Variants in AP1B1 observed in about 807,000 individuals in gnomAD.
AP1B1 encodes adaptor related protein complex 1 subunit beta 1.
AP1B1 carries 36 observed loss-of-function variants against 104.3 expected under a neutral mutation model. That is an observed-to-expected ratio of 0.35 (90% CI 0.26 to 0.46). The LOEUF (loss-of-function observed/expected upper bound fraction) is 0.46. AP1B1 is among the 20% of genes least tolerant of loss of function. The pLI is 1.00. For missense variants in AP1B1, 901 were observed against 1,247.9 expected (o/e 0.72, Z 4.19); for synonymous variants, 504 against 517.5 (o/e 0.97, Z 0.35).
chr22:29,328,823 A>G lies in AP1B1; in HGVS notation c.2848T>C (p.Ter950ArgextTer61). Residue 950 changes from the stop codon to arginine (R), a stop_lost, in exon 23 of 23, where the codon TGA becomes CGA. Coordinates refer to ENST00000357586, the MANE Select transcript of AP1B1 (RefSeq NM_001127.4). This position sits in a 1 kb window ranked among gnomAD's most constrained non-coding sequence, Gnocchi z 4.1. ...TGGGGTGGGCGCTGGCCGGGGTCTC[A>G]GTTCTTGAGGATGGTCTCGTAGGCC... is the stretch of plus-strand genomic sequence containing the variant. ...YQAYETILKN[*>R] 6.2e-7 allele frequency: 1 copy of G among 1,605,426 alleles called. No individual in the cohort carries two copies.
chr22:29,330,768 T>G (rs2061545936), intron 19 of AP1B1, 59 bp from the exon 20 acceptor site: 10 of 1,452,516 alleles, frequency 6.9e-6, no homozygotes, highest in East Asian at 4.8e-5. Flanking sequence ...GTGGGCCCTC[T>G]GTAGCTCAGC....
chr22:29,362,723 G>A lies in AP1B1; in HGVS notation c.143+278C>T, dbSNP rs1474840235. On this transcript the variant is annotated intron_variant, in intron 3 of 22. Coordinates refer to ENST00000357586, the MANE Select transcript of AP1B1 (RefSeq NM_001127.4). ...CCCCAGCCAGTACTGATCCTCTGGAGTTTCTGAGAGGGTTCATGCCACACC... is the reference window on the plus strand; with the variant it reads ...CCCCAGCCAGTACTGATCCTCTGGAATTTCTGAGAGGGTTCATGCCACACC... Among the ~76,000 whole-genome samples the A allele has an allele frequency of 2.0e-5, 3 of 152,218 alleles. No individual in the cohort carries two copies. In the East Asian group the frequency reaches 5.8e-4, roughly 29 times the overall value.
intron 6 of AP1B1, among the ~76,000 whole-genome samples, chr22:29,356,159 T>C (rs1042571783): frequency 2.8e-4 from 43 of 152,254 alleles, no homozygotes; most frequent in African/African-American, 8.7e-4. Flanking sequence ...TACCCACCTA[T>C]TGAACTCAAA....
intron 2 of AP1B1, among the ~76,000 whole-genome samples, chr22:29,366,718 C>T (rs895898177): frequency 1.3e-5 from 2 of 151,860 alleles, no homozygotes; most frequent in African/African-American, 4.8e-5. Flanking sequence ...AGAATAACTT[C>T]AACTCGAGAG....
intron 19 of AP1B1, among the ~76,000 whole-genome samples, chr22:29,330,930 C>T (rs1315131057): frequency 6.6e-6 from 1 of 152,168 alleles, no homozygotes; most frequent in Non-Finnish European, 1.5e-5. Flanking sequence ...TGCCTCCAGG[C>T]CTTGGATCTC....
In AP1B1 at chr22:29,331,889, G is replaced by A; in HGVS notation, c.2337C>T (p.Leu779=). 6.2e-7 allele frequency: 1 copy of A among 1,612,466 alleles called. No individual in the cohort carries two copies. The highest frequency in any genetic ancestry group is 8.5e-7 in the Non-Finnish European group (1 of 1,179,146). Reference sequence around the variant, plus strand: ...TGGGGCTGAGTGGCGCGTGGACCTGGAGGGGGGCGGCGGGGGCCAGGCCAA... The same window carrying A: ...TGGGGCTGAGTGGCGCGTGGACCTGAAGGGGGGCGGCGGGGGCCAGGCCAA... ...NSFGLAPAAP[L]QVHAPLSPNQ... is the part of the protein sequence containing the mutation. The change falls in exon 18 of 23, where the codon CTC becomes CTT. Residue 779 remains leucine (L), a synonymous_variant. Coordinates refer to ENST00000357586, the MANE Select transcript of AP1B1 (RefSeq NM_001127.4).
intron 11 of AP1B1, among the ~76,000 whole-genome samples, chr22:29,346,528 A>T (rs113575375): frequency 0.019 from 2,945 of 152,302 alleles, 32 homozygotes; most frequent in South Asian, 0.045. Context: ...TCCTATGAGA[A>T]TCTAATGCCG....
At chr22:29,377,743 G>A (rs910219782) in intron 1 of AP1B1, among the ~76,000 whole-genome samples, 5 of 151,684 alleles carry the variant, frequency 3.3e-5, no homozygotes, top group African/African-American at 1.2e-4. Flanking sequence ...CCTGGGAGGC[G>A]GAGGTTGCAG....
At chr22:29,336,282 G>A (rs547700309) in intron 16 of AP1B1, among the ~76,000 whole-genome samples, 1 of 152,306 alleles carries the variant, frequency 6.6e-6, no homozygotes, top group African/African-American at 2.4e-5. Flanking sequence ...AGGAAGATGT[G>A]GATACCTACT....
At chr22:29,377,282 C>G (rs1281467591) in intron 1 of AP1B1, among the ~76,000 whole-genome samples, 3 of 151,302 alleles carry the variant, frequency 2.0e-5, no homozygotes, top group Non-Finnish European at 4.4e-5. Flanking sequence ...ACAGGTAAGG[C>G]CAGCTGGAAG....
At chr22:29,347,372 C>T (rs1037679247) in intron 11 of AP1B1, among the ~76,000 whole-genome samples, 7 of 152,142 alleles carry the variant, frequency 4.6e-5, no homozygotes, top group African/African-American at 7.2e-5. Context: ...ATTTAACTTT[C>T]GTAGCAAGAG....
intron 2 of AP1B1, among the ~76,000 whole-genome samples, chr22:29,363,385 C>G (rs1418658281): frequency 6.6e-6 from 1 of 152,206 alleles, no homozygotes; most frequent in Non-Finnish European, 1.5e-5. Flanking sequence ...CACAGTGGCT[C>G]ATGCCTGTAA....
intron 2 of AP1B1, among the ~76,000 whole-genome samples, chr22:29,364,921 C>G (rs770166253): frequency 4.6e-5 from 7 of 151,600 alleles, no homozygotes; most frequent in Non-Finnish European, 7.4e-5. Context: ...GTTGGCCCGG[C>G]TGGTCTCAAA....
At chr22:29,371,267 C>T (rs528712074) in intron 1 of AP1B1, among the ~76,000 whole-genome samples, 1 of 152,292 alleles carries the variant, frequency 6.6e-6, no homozygotes, top group South Asian at 2.1e-4. Context: ...GGAAAAAACC[C>T]TACAGTTCAG....
chr22:29,365,015 A>C (rs1472706078), intron 2 of AP1B1, among the ~76,000 whole-genome samples: 1 of 152,102 alleles, frequency 6.6e-6, no homozygotes, highest in Non-Finnish European at 1.5e-5. Flanking sequence ...GGCCCCTCTA[A>C]GCCCTTCTCT....
At chr22:29,346,364 A>G (rs1042921863) in intron 11 of AP1B1, among the ~76,000 whole-genome samples, 1 of 152,204 alleles carries the variant, frequency 6.6e-6, no homozygotes, top group Admixed American at 6.5e-5. Flanking sequence ...ACCAGGGACC[A>G]GTTTTGTGGA....
intron 21 of AP1B1, 141 bp downstream of exon 21, chr22:29,330,237 G>A (rs2061536307): frequency 2.0e-6 from 3 of 1,493,454 alleles, no homozygotes; most frequent in Non-Finnish European, 2.7e-6. Context: ...TTTCTAGAAA[G>A]GTCCTTCTCA....
Position 29,363,092 on chromosome 22 carries a change from G to T in AP1B1, c.52C>A (p.Leu18Met). ...TTGTCACTGTTGAGCTCTGCCTTCA[G>T]CTCGAAGATCTCCCCTAAGGAAAGG... ...TTTKKGEIFE[L>M]KAELNSDKKE... is the part of the protein sequence containing the mutation. Residue 18 changes from leucine to methionine, a missense_variant, in exon 3 of 23, where the codon CTG (leucine) becomes ATG (methionine). Transcript: ENST00000357586. The T allele has an allele frequency of 2.7e-6, 4 of 1,482,264 alleles. No individual in the cohort carries two copies. Among genetic ancestry groups the T allele is most frequent in the Non-Finnish European group, 2.8e-6 (3 of 1,059,500 alleles). The allele number at this position is 1,482,264 out of a possible 1,614,324, so 91.8% of individuals were successfully genotyped here.
chr22:29,338,387 G>A (rs1260190110), intron 16 of AP1B1, among the ~76,000 whole-genome samples: 1 of 152,216 alleles, frequency 6.6e-6, no homozygotes. Context: ...GGTTGCCACA[G>A]TCACAGTGAC....
Sources: gnomAD v4.1 joint callset for allele counts (sites outside exome capture counted in the v4.1 genomes callset) on GRCh38, gnomAD v4.1.1 for gene constraint, Gnocchi (gnomAD v3.1) non-coding constraint, MANE v1.5 for transcripts, NCBI Gene and HGNC (gene_info 2026-07-23, HGNC 2026-07-21) for gene names.